The following KLHL6 variants were observed in gnomAD, a reference collection of about 807,000 sequenced individuals.
KLHL6 encodes kelch like family member 6.
Under a neutral mutation model 58.6 loss-of-function variants are expected in KLHL6, and 41 were observed. That is an observed-to-expected ratio of 0.70 (90% confidence interval 0.55 to 0.91). The LOEUF (loss-of-function observed/expected upper bound fraction) is 0.91. Ranked by LOEUF, KLHL6 falls within the 40% of genes least tolerant of loss-of-function variation. KLHL6 has a pLI of 0.00. For missense variants in KLHL6, 714 were observed against 805.6 expected (o/e 0.89, Z 1.38); for synonymous variants, 338 against 322.7 (o/e 1.05, Z -0.51).
chr3:183,521,326 C>G (rs910868104), intron 2 of KLHL6: 2 of 152,410 alleles, frequency 1.3e-5, no homozygotes, highest in African/African-American at 4.8e-5. Context: ...CAGTAACAGT[C>G]TGATCTCTTT....
At position 183,492,358 on chromosome 3, in the gene KLHL6, T is replaced by G. The variant is rs577810880; in HGVS notation, c.1565-130A>C. 7.7e-7 allele frequency: 1 copy of G among 1,305,018 alleles called. No homozygotes were observed. The highest frequency in any genetic ancestry group is 2.5e-5 in the East Asian group (1 of 39,810). 80.8% of individuals were successfully genotyped at this position (1,305,018 alleles called of 1,614,324 possible). ...CCAAGAGAAACAGTCGATTGATGGC[T>G]CTCCTGAAAGCCAGAGTGGGTCCTA... is the stretch of plus-strand genomic sequence containing the variant. On this transcript the variant is annotated intron_variant, in intron 6 of 6. Transcript: ENST00000341319. The surrounding 1 kb of genome is among the most constrained non-coding windows in gnomAD (Gnocchi z 5.9).
At chr3:183,497,016 C>T (rs1717730626) in intron 4 of KLHL6, among the ~76,000 whole-genome samples, 1 of 151,840 alleles carries the variant, frequency 6.6e-6, no homozygotes, top group African/African-American at 2.4e-5. Context: ...TGGTGGCTCA[C>T]GCCTGTAATC....
At chr3:183,518,524 C>T (rs951862313) in intron 2 of KLHL6, among the ~76,000 whole-genome samples, 2 of 152,174 alleles carry the variant, frequency 1.3e-5, no homozygotes, top group East Asian at 1.9e-4. Context: ...AATCTGGTAG[C>T]GATATGGATT....
rs374407784 is a variant in KLHL6 at position 183,490,248 on chromosome 3, T to C, written c.*1679A>G. The C allele has an allele frequency of 6.6e-6, 1 of 152,102 alleles. No individual in the cohort carries two copies. The highest frequency in any genetic ancestry group is 1.5e-5 in the Non-Finnish European group (1 of 68,040). 9.4% of individuals were successfully genotyped at this position (152,102 alleles called of 1,614,324 possible). A position where few individuals can be genotyped will look rare whatever the true frequency, so the allele number is the denominator to read the frequency against. On this transcript the variant is annotated 3_prime_UTR_variant, in exon 7 of 7. Coordinates refer to ENST00000341319, the MANE Select transcript of KLHL6 (RefSeq NM_130446.4). ...CTTGAAAACGAAGGCTTCAGGAGGA[T>C]GGGGTATCAGGAACGTGGACCTAAA... is the stretch of plus-strand genomic sequence containing the variant.
rs117567362 is a variant in KLHL6 at position 183,543,572 on chromosome 3, C to T, written c.293+11789G>A. ...TCTTCTGTCCTATTTTTTTGTGTTGCGTTCGCTATACACAATAATACAATA... is the reference window on the plus strand; with the variant it reads ...TCTTCTGTCCTATTTTTTTGTGTTGTGTTCGCTATACACAATAATACAATA... On this transcript the variant is annotated intron_variant, in intron 1 of 6. Transcript: ENST00000341319. Among the ~76,000 whole-genome samples the T allele has an allele frequency of 7.9e-5, 12 of 152,174 alleles. No homozygotes were observed. The East Asian group carries it at 1.2e-3, about 15-fold the overall frequency.
At chr3:183,549,176 A>T (rs958063674) in intron 1 of KLHL6, among the ~76,000 whole-genome samples, 15 of 152,192 alleles carry the variant, frequency 9.9e-5, no homozygotes, top group African/African-American at 2.4e-4. Flanking sequence ...AACAAATTTT[A>T]AAAAAGAGAA....
intron 1 of KLHL6, among the ~76,000 whole-genome samples, chr3:183,533,580 T>C (rs1046925151): frequency 6.6e-6 from 1 of 152,040 alleles, no homozygotes; most frequent in Non-Finnish European, 1.5e-5. Context: ...CACTCATCCA[T>C]TTCTTTACCC....
At chr3:183,500,999 C>T (rs73070589) in intron 3 of KLHL6, among the ~76,000 whole-genome samples, 8,849 of 152,194 alleles carry the variant, frequency 0.058, 691 homozygotes, top group East Asian at 0.18. Flanking sequence ...TTTGTTTGTT[C>T]GGTTGGTTTT....
At chr3:183,535,149 T>A (rs1166587849) in intron 1 of KLHL6, among the ~76,000 whole-genome samples, 1 of 152,042 alleles carries the variant, frequency 6.6e-6, no homozygotes, top group Non-Finnish European at 1.5e-5. Context: ...TTTACTATGT[T>A]GGTCAGGCTG....
At position 183,491,919 on chromosome 3, in the gene KLHL6, T is replaced by C. The variant is rs1179121756; in HGVS notation, c.*8A>G. ...GTCGGGGGGGCTCTCCAGCTCCCCA[T>C]CCTGCCGTCAGACAGACACTGCTCC... On this transcript the variant is annotated 3_prime_UTR_variant, in exon 7 of 7. Coordinates refer to ENST00000341319, the MANE Select transcript of KLHL6 (RefSeq NM_130446.4). The C allele has an allele frequency of 1.4e-6, 2 of 1,468,114 alleles. No individual in the cohort carries two copies. The allele number at this position is 1,468,114 out of a possible 1,614,324, so 90.9% of individuals were successfully genotyped here.
intron 1 of KLHL6, among the ~76,000 whole-genome samples, chr3:183,543,568 G>A (rs1712622934): frequency 6.6e-6 from 1 of 152,034 alleles, no homozygotes; most frequent in African/African-American, 2.4e-5. Flanking sequence ...ATTTTTTTGT[G>A]TTGCGTTCGC....
intron 2 of KLHL6, chr3:183,520,686 T>C (rs1225493626): frequency 6.6e-6 from 1 of 152,160 alleles, no homozygotes; most frequent in African/African-American, 2.4e-5. Context: ...GTAGGCCAGA[T>C]TTATGTTTGA....
rs1164218102 is a variant in KLHL6, at chr3:183,532,023, T to C, written c.294-4013A>G. On this transcript the variant is annotated intron_variant, in intron 1 of 6. Coordinates refer to ENST00000341319, the MANE Select transcript of KLHL6 (RefSeq NM_130446.4). ...TTTGCATATAAGAAGGACACGAATT[T>C]GGGGGCCAAGTATGGAATGTCATGG... 3.0e-4 allele frequency among the ~76,000 whole-genome samples: 45 copies of C among 152,254 alleles called. 2 individuals are homozygous for C. Among genetic ancestry groups the C allele is most frequent in the Non-Finnish European group, 1.0e-4 (7 of 68,050 alleles).
At chr3:183,540,039 A>G (rs1560109173) in intron 1 of KLHL6, among the ~76,000 whole-genome samples, 1 of 152,200 alleles carries the variant, frequency 6.6e-6, no homozygotes, top group Non-Finnish European at 1.5e-5. Context: ...TGTCTGCCCA[A>G]CTTACTCCTG....
intron 1 of KLHL6, among the ~76,000 whole-genome samples, chr3:183,554,734 G>A (rs918081736): frequency 6.6e-6 from 1 of 152,122 alleles, no homozygotes; most frequent in African/African-American, 2.4e-5. Flanking sequence ...GACCAAGGGG[G>A]AAAAAAGTCC....
At chr3:183,541,819 G>C (rs1424085018) in intron 1 of KLHL6, among the ~76,000 whole-genome samples, 1 of 152,190 alleles carries the variant, frequency 6.6e-6, no homozygotes, top group South Asian at 2.1e-4. Context: ...TTCAAGAATT[G>C]CAAGTCCAGA....
chr3:183,499,333 G>A lies in KLHL6; in HGVS notation c.1147+257C>T, dbSNP rs1444786299. ...TGCACTCCAGCCTGAGCAACAGAGC[G>A]AGACGCTGTCTCAAAAAAAAAAGAA... is the stretch of plus-strand genomic sequence containing the variant. On this transcript the variant is annotated intron_variant, in intron 4 of 6. Coordinates refer to ENST00000341319, the MANE Select transcript of KLHL6 (RefSeq NM_130446.4). The surrounding 1 kb of genome is among the most constrained non-coding windows in gnomAD (Gnocchi z 4.6). 6.1e-5 allele frequency among the ~76,000 whole-genome samples: 9 copies of A among 148,392 alleles called. No individual in the cohort carries two copies. Among genetic ancestry groups the A allele is most frequent in the African/African-American group, 2.0e-4 (8 of 40,910 alleles).
At position 183,514,489 on chromosome 3, in the gene KLHL6, G is replaced by A. The variant is rs931024911; in HGVS notation, c.460-5981C>T. 4.6e-5 allele frequency among the ~76,000 whole-genome samples: 7 copies of A among 151,664 alleles called. No individual in the cohort carries two copies. In the South Asian group the frequency reaches 6.3e-4, roughly 14 times the overall value. On this transcript the variant is annotated intron_variant, in intron 2 of 6. Coordinates refer to ENST00000341319, the MANE Select transcript of KLHL6 (RefSeq NM_130446.4). Reference sequence around the variant, plus strand: ...ATCACCATCTGTTATGATCCTACGCGCCTCACCCAGACAAGCCCAACTCCA... The same window carrying A: ...ATCACCATCTGTTATGATCCTACGCACCTCACCCAGACAAGCCCAACTCCA...
At chr3:183,535,712 T>C (rs140749614) in intron 1 of KLHL6, among the ~76,000 whole-genome samples, 81 of 152,326 alleles carry the variant, frequency 5.3e-4, no homozygotes, top group Non-Finnish European at 9.6e-4. Flanking sequence ...GTGTTTCCCA[T>C]GTGACATATT....
Sources: allele counts gnomAD v4.1 joint callset (sites outside exome capture counted in the v4.1 genomes callset), GRCh38; gene constraint gnomAD v4.1.1; non-coding constraint Gnocchi (gnomAD v3.1); transcripts MANE v1.5; gene names NCBI Gene and HGNC (gene_info 2026-07-23, HGNC 2026-07-21).